The following RPS6KA3 variants were observed in gnomAD, a reference collection of about 807,000 sequenced individuals.
RPS6KA3 encodes ribosomal protein S6 kinase A3.
In RPS6KA3, 4 loss-of-function variants were observed where a neutral mutation model predicts 67.2. The observed-to-expected ratio is 0.06, with a 90% CI of 0.03 to 0.14. The LOEUF is 0.14. RPS6KA3 is among the 10% of genes least tolerant of loss of function. RPS6KA3 has a pLI of 1.00. For synonymous variants in RPS6KA3, 182 were observed against 183.7 expected (o/e 0.99, Z 0.07); for missense variants, 204 against 559.0 (o/e 0.36, Z 6.40).
intron 19 of RPS6KA3, among the ~76,000 whole-genome samples, 165 bp from the exon 20 acceptor site, chrX:20,161,926 T>C (rs986031251): frequency 9.1e-6 from 1 of 109,727 alleles, no homozygotes; most frequent in Non-Finnish European, 1.9e-5. Flanking sequence ...GTATAGGTTA[T>C]AAAATATTAA....
intron 1 of RPS6KA3, among the ~76,000 whole-genome samples, chrX:20,242,545 T>C (rs2069578328): frequency 9.0e-6 from 1 of 111,678 alleles, no homozygotes; most frequent in South Asian, 3.7e-4. Context: ...TTCATTCTTC[T>C]ATATTTCATA....
At chrX:20,247,295 C>T (rs2147034787) in intron 1 of RPS6KA3, among the ~76,000 whole-genome samples, 1 of 110,426 alleles carries the variant, frequency 9.1e-6, no homozygotes, top group African/African-American at 3.3e-5. Flanking sequence ...GGCGTGGTGG[C>T]ACATGTACTC....
chrX:20,155,987 G>C, intron 21 of RPS6KA3, 122 bp downstream of exon 21: 1 of 790,076 alleles, frequency 1.3e-6, no homozygotes, highest in South Asian at 2.1e-5. Context: ...CCCACTGTAA[G>C]AGAATCCCAC....
At chrX:20,188,002 T>A (rs759289967) in intron 8 of RPS6KA3, 32 bp from the exon 9 acceptor site, 1 of 1,168,716 alleles carries the variant, frequency 8.6e-7, no homozygotes, top group Non-Finnish European at 1.2e-6. Flanking sequence ...ATATCCTACA[T>A]AAATTTGCAC....
intron 10 of RPS6KA3, among the ~76,000 whole-genome samples, chrX:20,182,534 G>A (rs1326149833): frequency 8.9e-6 from 1 of 112,358 alleles, no homozygotes; most frequent in African/African-American, 3.2e-5. Flanking sequence ...CCCACAGAGC[G>A]TAAATACAAC....
intron 2 of RPS6KA3, among the ~76,000 whole-genome samples, chrX:20,220,567 G>A (rs926041156): frequency 8.9e-6 from 1 of 112,134 alleles, no homozygotes; most frequent in African/African-American, 3.2e-5. Flanking sequence ...TCTCTGTTAA[G>A]TAGCAGTCAT....
At chrX:20,155,646 A>G (rs937117697) in intron 21 of RPS6KA3, 126 bp from the exon 22 acceptor site, 9 of 832,598 alleles carry the variant, frequency 1.1e-5, no homozygotes, top group Non-Finnish European at 1.0e-5. Context: ...AATGAAAATA[A>G]CCACACTGGT....
At chrX:20,253,620 G>A (rs1446556471) in intron 1 of RPS6KA3, among the ~76,000 whole-genome samples, 1 of 111,381 alleles carries the variant, frequency 9.0e-6, no homozygotes, top group Admixed American at 9.5e-5. Flanking sequence ...AGAACCAGAT[G>A]TATCCTCCAA....
intron 1 of RPS6KA3, among the ~76,000 whole-genome samples, chrX:20,254,291 T>C (rs1035414044): frequency 5.3e-5 from 6 of 112,399 alleles, no homozygotes; most frequent in Non-Finnish European, 1.1e-4. Context: ...GCACTTTTGC[T>C]TTAAATAAGA....
At chrX:20,227,485 C>G (rs1244819983) in intron 2 of RPS6KA3, among the ~76,000 whole-genome samples, 1 of 111,249 alleles carries the variant, frequency 9.0e-6, no homozygotes, top group African/African-American at 3.3e-5. Flanking sequence ...GCTGAAAAGT[C>G]TAATATTCTT....
chrX:20,257,872 G>A (rs1569279205), intron 1 of RPS6KA3, among the ~76,000 whole-genome samples: 1 of 111,685 alleles, frequency 9.0e-6, no homozygotes, highest in Non-Finnish European at 1.9e-5. Flanking sequence ...GTTATCACTT[G>A]AATGAGATGT....
At position 20,152,840 on chromosome X, in the gene RPS6KA3, G is replaced by A. The variant is rs901629501; in HGVS notation, c.*2558C>T. On this transcript the variant is annotated 3_prime_UTR_variant, in exon 22 of 22. Transcript: ENST00000379565. ...GCAATTATCTTCGAAAGAAATAAAAGTTGGCATCACATACCAGTAGAGGAC... is the reference window on the plus strand; with the variant it reads ...GCAATTATCTTCGAAAGAAATAAAAATTGGCATCACATACCAGTAGAGGAC... 8 of 112,066 alleles carry A rather than the reference G, an allele frequency of 7.1e-5. No homozygotes were observed. Among genetic ancestry groups the A allele is most frequent in the African/African-American group, 2.6e-4 (8 of 30,842 alleles). The allele number at this position is 112,066 out of a possible 1,213,427, so 9.2% of individuals were successfully genotyped here.
intron 2 of RPS6KA3, among the ~76,000 whole-genome samples, chrX:20,232,907 G>A (rs2069310083): frequency 8.9e-6 from 1 of 112,109 alleles, no homozygotes; most frequent in Non-Finnish European, 1.9e-5. Context: ...GGCGAAGATG[G>A]GTGGATCACT....
At chrX:20,181,013 T>C (rs1421219655) in intron 10 of RPS6KA3, among the ~76,000 whole-genome samples, 3 of 111,658 alleles carry the variant, frequency 2.7e-5, no homozygotes, top group African/African-American at 6.5e-5. Context: ...TTGAAGAAAA[T>C]CTGAAAAACT....
At chrX:20,190,673 A>G (rs920101539) in intron 7 of RPS6KA3, among the ~76,000 whole-genome samples, 12 of 111,607 alleles carry the variant, frequency 1.1e-4, no homozygotes, top group Admixed American at 4.8e-4. Context: ...CACAATAGTT[A>G]TAAGTTGGGA....
At chrX:20,192,196 C>T (rs772771035) in intron 7 of RPS6KA3, among the ~76,000 whole-genome samples, 28 of 111,510 alleles carry the variant, frequency 2.5e-4, no homozygotes, top group African/African-American at 9.1e-4. Context: ...AGATAAACAT[C>T]AACAAATTAA....
chrX:20,234,007 T>A (rs1210269927), intron 2 of RPS6KA3, among the ~76,000 whole-genome samples: 1 of 112,456 alleles, frequency 8.9e-6, no homozygotes, highest in African/African-American at 3.2e-5. Flanking sequence ...GTATCCATTA[T>A]GTGCCAGGCA....
rs2067893584 is a variant in RPS6KA3 at position 20,183,395 on chromosome X, T to C, written c.845+2901A>G. 7.2e-5 allele frequency among the ~76,000 whole-genome samples: 8 copies of C among 110,629 alleles called. No individual in the cohort carries two copies. In the South Asian group the frequency reaches 2.7e-3, roughly 37 times the overall value. On this transcript the variant is annotated intron_variant, in intron 10 of 21. Coordinates refer to ENST00000379565, the MANE Select transcript of RPS6KA3 (RefSeq NM_004586.3). ...GATAATTTTTATATTCTTTAACTCA[T>C]GGCCTCAAGTGATCCTCCCACCTCA...
At chrX:20,195,377 G>C (rs780332037) in intron 4 of RPS6KA3, among the ~76,000 whole-genome samples, 8 of 111,931 alleles carry the variant, frequency 7.1e-5, no homozygotes, top group Admixed American at 1.9e-4. Context: ...AAAAAATATA[G>C]AGAAAATATT....
Sources: allele counts gnomAD v4.1 joint callset (sites outside exome capture counted in the v4.1 genomes callset), GRCh38; gene constraint gnomAD v4.1.1; transcripts MANE v1.5; gene names NCBI Gene and HGNC (gene_info 2026-07-23, HGNC 2026-07-21).